Variants in ECPAS observed in about 807,000 individuals in gnomAD.
ECPAS encodes the protein proteasome adapter and scaffold protein ECM29.
ECPAS carries 70 observed loss-of-function variants against 255.1 expected under a neutral mutation model. That is an observed-to-expected ratio of 0.27 (90% confidence interval 0.23 to 0.33). The LOEUF is 0.33. Among genes scored for constraint, ECPAS ranks in the 10% least tolerant of loss-of-function variants. ECPAS has a pLI of 1.00. For missense variants in ECPAS, 1,817 were observed against 2,206.4 expected (o/e 0.82, Z 3.54); for synonymous variants, 784 against 775.0 (o/e 1.01, Z -0.19).
Position 111,420,076 on chromosome 9 carries a change from C to G in ECPAS, c.1500G>C (p.Thr500=). Residue 500 remains threonine (T), a synonymous_variant, in exon 16 of 50, where the codon ACG becomes ACC. Coordinates refer to ENST00000684092, the MANE Select transcript of ECPAS (RefSeq NM_001364929.1). ...VRQVAVKFAS[T]VFPSDHIPSR... ...AAGGGATATGATCTGAGGGAAACAC[C>G]GTACTGGCAAATTTCACAGCCACTT... The G allele has an allele frequency of 6.2e-7, 1 of 1,612,668 alleles. No homozygotes were observed. The highest frequency in any genetic ancestry group is 8.5e-7 in the Non-Finnish European group (1 of 1,179,236).
At chr9:111,462,435 G>C (rs1355312625) in intron 2 of ECPAS, among the ~76,000 whole-genome samples, 1 of 152,094 alleles carries the variant, frequency 6.6e-6, no homozygotes, top group Non-Finnish European at 1.5e-5. Context: ...AATGCAATAT[G>C]GAAGTAGGAG....
chr9:111,430,186 G>A (rs1484885450), intron 9 of ECPAS, among the ~76,000 whole-genome samples: 1 of 152,026 alleles, frequency 6.6e-6, no homozygotes, highest in Non-Finnish European at 1.5e-5. Context: ...TGTTTTACCG[G>A]CACACAACCA....
At chr9:111,379,729 T>C (rs1362345472) in intron 35 of ECPAS, among the ~76,000 whole-genome samples, 1 of 152,248 alleles carries the variant, frequency 6.6e-6, no homozygotes, top group Non-Finnish European at 1.5e-5. Context: ...TCTAAATCCT[T>C]TGTGGTCATT....
At chr9:111,406,597 G>C (rs1483999302) in intron 24 of ECPAS, among the ~76,000 whole-genome samples, 1 of 149,664 alleles carries the variant, frequency 6.7e-6, no homozygotes, top group Non-Finnish European at 1.5e-5. Context: ...TTGTATGCTT[G>C]TATCAATTTA....
chr9:111,470,474 C>T (rs944226361), intron 2 of ECPAS, among the ~76,000 whole-genome samples: 6 of 152,136 alleles, frequency 3.9e-5, no homozygotes, highest in African/African-American at 1.4e-4. Context: ...CGACACCCAG[C>T]TAACTTTTTG....
At chr9:111,382,717 T>C (rs1315862596) in intron 35 of ECPAS, among the ~76,000 whole-genome samples, 1 of 152,168 alleles carries the variant, frequency 6.6e-6, no homozygotes, top group Non-Finnish European at 1.5e-5. Flanking sequence ...GAAATAACAA[T>C]GGAACAGATA....
At chr9:111,410,363 C>G (rs1195529229) in intron 22 of ECPAS, 150 bp from the exon 23 acceptor site, 1 of 601,538 alleles carries the variant, frequency 1.7e-6, no homozygotes, top group East Asian at 2.9e-5. Context: ...AACATTTATT[C>G]AGTGGAAAGA....
At chr9:111,365,673 A>C (rs1393494706) in intron 48 of ECPAS, 5 of 152,504 alleles carry the variant, frequency 3.3e-5, no homozygotes, top group Non-Finnish European at 7.3e-5. Flanking sequence ...CTCAAAAAAA[A>C]TAAAAATAAA....
rs12349153 is a variant in ECPAS, at chr9:111,434,567, T to G, written c.709-1195A>C. Among the ~76,000 whole-genome samples, 668 of 150,828 alleles carry G rather than the reference T, an allele frequency of 4.4e-3. 5 individuals carry two copies. Among genetic ancestry groups the G allele is most frequent in the Middle Eastern group, 0.018 (5 of 284 alleles). Reference sequence around the variant, plus strand: ...ACTGTAGACAGATGACAAACTAGTGTGACAGGATTCCAGTTAACTTTTTTT... The same window carrying G: ...ACTGTAGACAGATGACAAACTAGTGGGACAGGATTCCAGTTAACTTTTTTT... On this transcript the variant is annotated intron_variant, in intron 7 of 49. Transcript: ENST00000684092.
In ECPAS at chr9:111,425,427, T is replaced by C. The variant is rs1196840866; in HGVS notation, c.1206A>G (p.Glu402=). The C allele has an allele frequency of 6.3e-7, 1 of 1,585,622 alleles. No homozygotes were observed. Residue 402 remains glutamate (E), a synonymous_variant, in exon 12 of 50, where the codon GAA becomes GAG. Transcript: ENST00000684092. The part of the protein sequence containing the change: ...LLNGLTKLIN[E]YKEDPKLLSM... Reference sequence around the variant, plus strand: ...AAGACAAGTCACTTACCTCTTTGTATTCATTGATTAGCTTGGTGAGGCCAT... The same window carrying C: ...AAGACAAGTCACTTACCTCTTTGTACTCATTGATTAGCTTGGTGAGGCCAT...
Position 111,472,976 on chromosome 9 carries a change from G to T in ECPAS, c.-58C>A. On this transcript the variant is annotated 5_prime_UTR_variant, in exon 2 of 50. An upstream open reading frame in the 5' UTR gains an earlier in-frame stop. Coordinates refer to ENST00000684092, the MANE Select transcript of ECPAS (RefSeq NM_001364929.1). ...TCACCAATGGTACGTTCATCCACTC[G>T]TACATATGCAATTGTATAAAGAATC... 2 of 1,177,312 alleles carry T rather than the reference G, an allele frequency of 1.7e-6. No homozygotes were observed. Among genetic ancestry groups the T allele is most frequent in the East Asian group, 7.2e-5 (1 of 13,880 alleles). 72.9% of individuals were successfully genotyped at this position (1,177,312 alleles called of 1,614,324 possible). A position where few individuals can be genotyped will look rare whatever the true frequency, so the allele number is the denominator to read the frequency against.
At chr9:111,420,241 A>C in intron 15 of ECPAS, 121 bp from the exon 16 acceptor site, 1 of 620,546 alleles carries the variant, frequency 1.6e-6, no homozygotes, top group South Asian at 1.9e-5. Flanking sequence ...TCAAAATTCT[A>C]AGGTGACATT....
At chr9:111,369,911 C>T (rs2098125278) in intron 45 of ECPAS, among the ~76,000 whole-genome samples, 1 of 152,114 alleles carries the variant, frequency 6.6e-6, no homozygotes. Flanking sequence ...GCTTATTAGC[C>T]AAGGCAAAGC....
chr9:111,457,652 C>T (rs2098268511), intron 2 of ECPAS, among the ~76,000 whole-genome samples: 1 of 152,018 alleles, frequency 6.6e-6, no homozygotes, highest in Non-Finnish European at 1.5e-5. Flanking sequence ...AAGTGGGCAG[C>T]GTGACAATGG....
Position 111,425,846 on chromosome 9 carries a change from T to G in ECPAS, c.1051-18A>C, listed in dbSNP as rs1240083419. ...TACACCACCTATGTAAAATGAAGAGTTGAGAACATCAATTAATAAAAATAA... is the reference window on the plus strand; with the variant it reads ...TACACCACCTATGTAAAATGAAGAGGTGAGAACATCAATTAATAAAAATAA... On this transcript the variant is annotated intron_variant, in intron 10 of 49. Transcript: ENST00000684092. 7.7e-6 allele frequency: 9 copies of G among 1,169,574 alleles called. No individual in the cohort carries two copies. The highest frequency in any genetic ancestry group is 2.0e-5 in the Admixed American group (1 of 49,918). 72.4% of individuals were successfully genotyped at this position (1,169,574 alleles called of 1,614,324 possible).
chr9:111,419,948 C>A (rs2098210781), intron 16 of ECPAS, 69 bp downstream of exon 16: 1 of 1,157,930 alleles, frequency 8.6e-7, no homozygotes, highest in African/African-American at 1.5e-5. Flanking sequence ...GTAAACAATA[C>A]AACTTTTAGT....
chr9:111,462,325 G>T (rs1047798179), intron 2 of ECPAS, among the ~76,000 whole-genome samples: 3 of 152,096 alleles, frequency 2.0e-5, no homozygotes, highest in Admixed American at 6.6e-5. Flanking sequence ...CTGACAAAAA[G>T]CATCTATGTA....
intron 6 of ECPAS, among the ~76,000 whole-genome samples, chr9:111,439,799 A>G (rs1310135173): frequency 6.6e-6 from 1 of 152,054 alleles, no homozygotes; most frequent in Admixed American, 6.6e-5. Flanking sequence ...GAGGGGGTGT[A>G]GAGAGATTTG....
chr9:111,472,378 A>G (rs2098289677), intron 2 of ECPAS, among the ~76,000 whole-genome samples: 1 of 152,074 alleles, frequency 6.6e-6, no homozygotes, highest in Non-Finnish European at 1.5e-5. Flanking sequence ...TTCCTTGTGC[A>G]CAGTGCTAAA....
Sources: gnomAD v4.1 joint callset for allele counts (sites outside exome capture counted in the v4.1 genomes callset) on GRCh38, gnomAD v4.1.1 for gene constraint, MANE v1.5 for transcripts, NCBI Gene and HGNC (gene_info 2026-07-23, HGNC 2026-07-21) for gene names.